The following COL6A6 variants were observed in gnomAD, a reference collection of about 807,000 sequenced individuals.
The protein encoded by COL6A6 is collagen type VI alpha 6 chain, also known as collagen alpha-6(VI) chain.
In COL6A6, 183 loss-of-function variants were observed where a neutral mutation model predicts 208.6. That is an observed-to-expected ratio of 0.88 (90% confidence interval 0.78 to 0.99). The LOEUF is 0.99. Among genes scored for constraint, COL6A6 ranks in the 50% least tolerant of loss-of-function variants. The pLI is 0.00. For missense variants in COL6A6, 2,816 were observed against 2,815.2 expected, an observed-to-expected ratio of 1.00 and a Z score of -0.01; for synonymous variants, 973 against 1,011.8, an observed-to-expected ratio of 0.96 and a Z score of 0.73.
intron 5 of COL6A6, among the ~76,000 whole-genome samples, chr3:130,567,601 T>C (rs1276569250): frequency 6.6e-6 from 1 of 152,246 alleles, no homozygotes; most frequent in Non-Finnish European, 1.5e-5. Flanking sequence ...TATATGAATG[T>C]CTTTTTATAC....
chr3:130,577,017 A>G (rs1036536735), intron 8 of COL6A6, among the ~76,000 whole-genome samples: 7 of 152,152 alleles, frequency 4.6e-5, no homozygotes, highest in African/African-American at 1.7e-4. Context: ...AAGTTCCTCT[A>G]ATTGTATACT....
intron 28 of COL6A6, among the ~76,000 whole-genome samples, chr3:130,639,576 C>T (rs573623409): frequency 7.2e-5 from 11 of 152,062 alleles, no homozygotes; most frequent in African/African-American, 2.4e-4. Context: ...ACCTGTAGCC[C>T]CAGCTACCAG....
Position 130,560,403 on chromosome 3 carries a change from C to T in COL6A6, c.39C>T (p.Ser13=). 6.2e-7 allele frequency: 1 copy of T among 1,609,552 alleles called. No individual in the cohort carries two copies. The highest frequency in any genetic ancestry group is 8.5e-7 in the Non-Finnish European group (1 of 1,177,894). The stretch of plus-strand genomic sequence containing the variant: ...TTTTGTTCCTCGTGATAATTTGTTC[C>T]CATATTTCTGTGAACCAAGATTCCG... ...LLILFLVIIC[S]HISVNQDSGP... is the part of the protein sequence containing the mutation. Residue 13 remains serine (S), a synonymous_variant, in exon 2 of 37, where the codon TCC becomes TCT. Coordinates refer to ENST00000358511, the MANE Select transcript of COL6A6 (RefSeq NM_001102608.3).
In COL6A6 at chr3:130,609,466, T is replaced by C. The variant is rs566367117; in HGVS notation, c.4752+502T>C. 3.4e-3 allele frequency among the ~76,000 whole-genome samples: 518 copies of C among 152,286 alleles called. 7 individuals are homozygous for C. Among genetic ancestry groups the C allele is most frequent in the South Asian group, 0.024 (118 of 4,824 alleles). ...CTCCAGGGAGCTACCTCCGGCACTT[T>C]TTCCTTTGCAAGGAACAAGCCATAC... On this transcript the variant is annotated intron_variant, in intron 22 of 36. Coordinates refer to ENST00000358511, the MANE Select transcript of COL6A6 (RefSeq NM_001102608.3).
At chr3:130,575,112 A>G (rs1301841159) in intron 8 of COL6A6, among the ~76,000 whole-genome samples, 1 of 152,182 alleles carries the variant, frequency 6.6e-6, no homozygotes, top group Non-Finnish European at 1.5e-5. Context: ...ATTCTATATA[A>G]CTACCAAAGG....
At chr3:130,598,006 G>GA (rs1360770082) in intron 18 of COL6A6, among the ~76,000 whole-genome samples, 1 of 152,070 alleles carries the variant, frequency 6.6e-6, no homozygotes, top group African/African-American at 2.4e-5. Context: ...TAGCCTCCAA[G>GA]AAAAAAGAGG....
chr3:130,628,709 A>G (rs1051760219), intron 26 of COL6A6, among the ~76,000 whole-genome samples: 18 of 151,996 alleles, frequency 1.2e-4, no homozygotes, highest in Admixed American at 5.9e-4. Flanking sequence ...AATTTCTCCA[A>G]TGAAATCCAT....
At chr3:130,636,334 A>G (rs2065110524) in intron 28 of COL6A6, among the ~76,000 whole-genome samples, 1 of 152,228 alleles carries the variant, frequency 6.6e-6, no homozygotes, top group South Asian at 2.1e-4. Context: ...TCTCCAGTAC[A>G]ATTCATCCTG....
intron 1 of COL6A6, among the ~76,000 whole-genome samples, chr3:130,546,949 A>G (rs2062520593): frequency 6.6e-6 from 1 of 152,188 alleles, no homozygotes; most frequent in South Asian, 2.1e-4. Context: ...TCCTCCAGCT[A>G]GACATAAAAG....
intron 1 of COL6A6, among the ~76,000 whole-genome samples, chr3:130,554,893 G>A (rs902545340): frequency 2.0e-5 from 3 of 152,046 alleles, no homozygotes; most frequent in Admixed American, 6.5e-5. Flanking sequence ...AGGCACAGTC[G>A]GCCAGCATAG....
At chr3:130,539,702 G>A (rs28498119) in intron 1 of COL6A6, among the ~76,000 whole-genome samples, 109,261 of 151,842 alleles carry the variant, frequency 0.72, 42,358 homozygotes, top group Non-Finnish European at 0.87. Context: ...GAAAAATTAT[G>A]GGCTCAAGGA....
intron 1 of COL6A6, among the ~76,000 whole-genome samples, chr3:130,555,832 T>C (rs1299064590): frequency 6.6e-6 from 1 of 152,196 alleles, no homozygotes; most frequent in East Asian, 1.9e-4. Context: ...TATTTCTTAA[T>C]TTTAAAACAT....
chr3:130,556,699 T>A (rs1363291555), intron 1 of COL6A6, among the ~76,000 whole-genome samples: 1 of 152,224 alleles, frequency 6.6e-6, no homozygotes, highest in Non-Finnish European at 1.5e-5. Flanking sequence ...TTTTTCTAAT[T>A]TCTGTGTTGG....
At chr3:130,521,851 A>G (rs1317877931) in intron 1 of COL6A6, among the ~76,000 whole-genome samples, 1 of 152,228 alleles carries the variant, frequency 6.6e-6, no homozygotes, top group African/African-American at 2.4e-5. Context: ...GGTATGAACC[A>G]TACATTCCTC....
chr3:130,665,122 T>C (rs2066041611), intron 36 of COL6A6, 26 bp downstream of exon 36: 2 of 1,467,574 alleles, frequency 1.4e-6, no homozygotes, highest in African/African-American at 1.4e-5. Context: ...TGTTACTTGA[T>C]AAATGAGAAT....
At chr3:130,618,330 G>A (rs2108255776) in intron 23 of COL6A6, among the ~76,000 whole-genome samples, 1 of 152,278 alleles carries the variant, frequency 6.6e-6, no homozygotes, top group Middle Eastern at 3.4e-3. Context: ...TTAATAACAG[G>A]CATCTCACTG....
Position 130,586,495 on chromosome 3 carries a change from G to C in COL6A6, c.3971-11G>C. On this transcript the variant is annotated splice_polypyrimidine_tract_variant and intron_variant, in intron 10 of 36. Transcript: ENST00000358511. ...CACCTCACCTGGAACATTGTAAACT[G>C]TGTTGGATAGGCCTGAATGCCCTCA... is the stretch of plus-strand genomic sequence containing the variant. 1.2e-6 allele frequency: 2 copies of C among 1,607,518 alleles called. No homozygotes were observed. The highest frequency in any genetic ancestry group is 1.1e-5 in the South Asian group (1 of 89,306).
At chr3:130,666,186 A>ATT (rs770094804) in intron 36 of COL6A6, among the ~76,000 whole-genome samples, 16 of 152,218 alleles carry the variant, frequency 1.1e-4, no homozygotes, top group Non-Finnish European at 1.6e-4. Context: ...GTCAAATGTA[A>ATT]TTGTGTGAAT....
chr3:130,526,828 T>C (rs903813022), intron 1 of COL6A6, among the ~76,000 whole-genome samples: 53 of 152,148 alleles, frequency 3.5e-4, no homozygotes, highest in African/African-American at 1.2e-3. Flanking sequence ...AAAAAAAGTC[T>C]GTTTTTACTT....
Sources: allele counts gnomAD v4.1 joint callset (sites outside exome capture counted in the v4.1 genomes callset), GRCh38; gene constraint gnomAD v4.1.1; transcripts MANE v1.5; gene names NCBI Gene and HGNC (gene_info 2026-07-23, HGNC 2026-07-21).